Variants in DPP10 observed in about 807,000 individuals in gnomAD.
DPP10 encodes the protein inactive dipeptidyl peptidase 10.
DPP10 carries 33 observed loss-of-function variants against 120.9 expected under a neutral mutation model. The ratio of observed to expected loss-of-function variants is 0.27; its 90% CI spans 0.21 to 0.37. The LOEUF is 0.37. Ranked by LOEUF, DPP10 falls within the 10% of genes least tolerant of loss-of-function variation. The pLI is 1.00. For synonymous variants in DPP10, 337 were observed against 326.1 expected, an observed-to-expected ratio of 1.03 and a Z score of -0.36; for missense variants, 816 against 942.8, an observed-to-expected ratio of 0.87 and a Z score of 1.76.
At chr2:115,154,935 AG>A (rs1340577424) in intron 1 of DPP10, among the ~76,000 whole-genome samples, 3 of 148,022 alleles carry the variant, frequency 2.0e-5, no homozygotes, top group Middle Eastern at 3.6e-3. Context: ...TCTGTCACCC[AG>A]GCTGGAGTGC....
In DPP10 at chr2:115,459,161, T is replaced by TA. The variant is rs1301910818; in HGVS notation, c.272-40349_272-40348insA. ...GTCAGTTTTCATCTTGTGAGTTTGA[T>TA]TTTTTTTTTTTTTTAGTCTGGGTCA... On this transcript the variant is annotated intron_variant, in intron 3 of 25. Coordinates refer to ENST00000410059, the MANE Select transcript of DPP10 (RefSeq NM_020868.6). Among the ~76,000 whole-genome samples the TA allele has an allele frequency of 2.1e-5, 3 of 141,052 alleles. No individual in the cohort carries two copies. In the East Asian group the frequency reaches 6.2e-4, roughly 29 times the overall value. The allele number at this position is 141,052 out of a possible 152,430, so 92.5% of individuals were successfully genotyped here. A position where few individuals can be genotyped will look rare whatever the true frequency, so the allele number is the denominator to read the frequency against.
intron 1 of DPP10, among the ~76,000 whole-genome samples, chr2:115,166,145 C>T (rs1225987552): frequency 2.0e-5 from 3 of 151,978 alleles, no homozygotes; most frequent in Admixed American, 6.6e-5. Context: ...TCTAGCAAAC[C>T]AGATTAAATA....
At chr2:115,777,476 G>C (rs908296862) in intron 14 of DPP10, among the ~76,000 whole-genome samples, 177 bp downstream of exon 14, 1 of 151,846 alleles carries the variant, frequency 6.6e-6, no homozygotes, top group Non-Finnish European at 1.5e-5. Context: ...TACACAGAGG[G>C]ATGTGTGTGT....
At chr2:115,594,575 A>G (rs1383631735) in intron 5 of DPP10, among the ~76,000 whole-genome samples, 1 of 152,180 alleles carries the variant, frequency 6.6e-6, no homozygotes, top group Non-Finnish European at 1.5e-5. Flanking sequence ...TTAGCTCTCC[A>G]GTGAAAGTTC....
At chr2:114,943,672 A>C (rs1697139421) in intron 1 of DPP10, among the ~76,000 whole-genome samples, 1 of 152,306 alleles carries the variant, frequency 6.6e-6, no homozygotes, top group African/African-American at 2.4e-5. Flanking sequence ...ATACACCTGC[A>C]CGTGTCTTTA....
At chr2:114,883,824 A>G (rs1691841471) in intron 1 of DPP10, among the ~76,000 whole-genome samples, 1 of 152,096 alleles carries the variant, frequency 6.6e-6, no homozygotes, top group South Asian at 2.1e-4. Flanking sequence ...AGAAATTGGA[A>G]CCCTCATTTC....
chr2:115,528,290 A>G (rs2078253696), intron 5 of DPP10, among the ~76,000 whole-genome samples: 1 of 152,120 alleles, frequency 6.6e-6, no homozygotes, highest in South Asian at 2.1e-4. Flanking sequence ...GCACACCAAC[A>G]TGGCACATAT....
At chr2:114,979,374 T>C (rs1463485756) in intron 1 of DPP10, among the ~76,000 whole-genome samples, 1 of 152,038 alleles carries the variant, frequency 6.6e-6, no homozygotes, top group Non-Finnish European at 1.5e-5. Context: ...TTTTGATGTT[T>C]CCTATCATTT....
At chr2:114,933,235 G>C (rs919687622) in intron 1 of DPP10, among the ~76,000 whole-genome samples, 2 of 152,166 alleles carry the variant, frequency 1.3e-5, no homozygotes, top group African/African-American at 2.4e-5. Context: ...AATTATGATA[G>C]ATCCAGTAGG....
chr2:115,396,140 C>T (rs2067662580), intron 3 of DPP10, among the ~76,000 whole-genome samples: 1 of 152,134 alleles, frequency 6.6e-6, no homozygotes, highest in East Asian at 1.9e-4. Flanking sequence ...ATGAGGATGG[C>T]TGCACATCTA....
At chr2:114,476,884 A>G (rs1218301864) in intron 1 of DPP10, among the ~76,000 whole-genome samples, 1 of 152,182 alleles carries the variant, frequency 6.6e-6, no homozygotes, top group African/African-American at 2.4e-5. Context: ...GCTCCCTTTC[A>G]GGAACTAATT....
chr2:114,787,972 C>T (rs1682902693), intron 1 of DPP10, among the ~76,000 whole-genome samples: 1 of 152,120 alleles, frequency 6.6e-6, no homozygotes, highest in African/African-American at 2.4e-5. Context: ...AAAGTAATTA[C>T]TGAATTCCAA....
intron 1 of DPP10, among the ~76,000 whole-genome samples, chr2:114,607,762 T>A (rs559297738): frequency 5.3e-4 from 80 of 152,326 alleles, no homozygotes; most frequent in Non-Finnish European, 8.4e-4. Flanking sequence ...GATGTTGTAA[T>A]GTTATGCTTT....
chr2:115,552,078 C>G (rs78048513), intron 5 of DPP10, among the ~76,000 whole-genome samples: 1 of 151,994 alleles, frequency 6.6e-6, no homozygotes, highest in Non-Finnish European at 1.5e-5. Flanking sequence ...TTGAATTAAA[C>G]GGCAAAGGGT....
intron 1 of DPP10, among the ~76,000 whole-genome samples, chr2:114,521,930 C>T (rs1460249670): frequency 6.7e-6 from 1 of 149,144 alleles, no homozygotes; most frequent in African/African-American, 2.5e-5. Flanking sequence ...GCCTCAGCCT[C>T]CCGAGTAGCT....
intron 1 of DPP10, among the ~76,000 whole-genome samples, chr2:114,791,205 G>C (rs917400481): frequency 4.2e-4 from 64 of 152,142 alleles, no homozygotes; most frequent in African/African-American, 1.5e-3. Flanking sequence ...TTTCTGAATA[G>C]AGAAGCCAGG....
intron 1 of DPP10, among the ~76,000 whole-genome samples, chr2:114,944,411 A>G (rs1182294057): frequency 6.6e-6 from 1 of 152,148 alleles, no homozygotes; most frequent in Non-Finnish European, 1.5e-5. Flanking sequence ...AGTGAATTTG[A>G]TTCATGCAGT....
chr2:115,082,449 G>A (rs1416577492), intron 1 of DPP10, among the ~76,000 whole-genome samples: 1 of 152,160 alleles, frequency 6.6e-6, no homozygotes, highest in Admixed American at 6.5e-5. Flanking sequence ...CTCTTTGCTG[G>A]TAACATTGTA....
intron 1 of DPP10, among the ~76,000 whole-genome samples, chr2:115,192,121 C>T (rs1287327477): frequency 6.6e-6 from 1 of 152,174 alleles, no homozygotes; most frequent in Non-Finnish European, 1.5e-5. Flanking sequence ...TTCTTAATGG[C>T]ACGTGCAGTG....
Sources: gnomAD v4.1 joint callset for allele counts (sites outside exome capture counted in the v4.1 genomes callset) on GRCh38, gnomAD v4.1.1 for gene constraint, MANE v1.5 for transcripts, NCBI Gene and HGNC (gene_info 2026-07-23, HGNC 2026-07-21) for gene names.